The following WDR89 variants were observed in gnomAD, a reference collection of about 807,000 sequenced individuals.
The protein encoded by WDR89 is WD repeat-containing protein 89.
Under a neutral mutation model 29.1 loss-of-function variants are expected in WDR89, and 17 were observed. The ratio of observed to expected loss-of-function variants is 0.58; its 90% confidence interval spans 0.40 to 0.88. WDR89 has a LOEUF of 0.88. Among genes scored for constraint, WDR89 ranks in the 40% least tolerant of loss-of-function variants. The pLI is 0.00. For synonymous variants in WDR89, 138 were observed against 157.8 expected (o/e 0.87, Z 0.94); for missense variants, 396 against 456.3 (o/e 0.87, Z 1.20).
chr14:63,617,797 T>C (rs772395357), intron 2 of WDR89, among the ~76,000 whole-genome samples: 1 of 152,110 alleles, frequency 6.6e-6, no homozygotes, highest in African/African-American at 2.4e-5. Context: ...GAATTCTACA[T>C]AGCAATAAAA....
At chr14:63,637,174 C>G (rs1416014292) in intron 1 of WDR89, among the ~76,000 whole-genome samples, 1 of 152,162 alleles carries the variant, frequency 6.6e-6, no homozygotes, top group Non-Finnish European at 1.5e-5. Flanking sequence ...CTCAACATCA[C>G]TAATGATCAG....
At chr14:63,621,489 T>C (rs916645203) in intron 2 of WDR89, among the ~76,000 whole-genome samples, 2 of 151,944 alleles carry the variant, frequency 1.3e-5, no homozygotes, top group African/African-American at 2.4e-5. Context: ...TCCCAGCTAC[T>C]AGGGAGGCTA....
rs530997675 is a variant in WDR89, at chr14:63,633,241, G to GTA, written c.-137-8210_-137-8209dup. 2.0e-4 allele frequency among the ~76,000 whole-genome samples: 31 copies of GTA among 151,602 alleles called. No individual in the cohort carries two copies. The South Asian group carries it at 2.9e-3, about 14-fold the overall frequency. On this transcript the variant is annotated intron_variant, in intron 1 of 2. Transcript: ENST00000620954. ...CTTTTATGTATAAATATGTGTGTAAGTATATATATATATTTATGTATGTAT... is the reference window on the plus strand; with the variant it reads ...CTTTTATGTATAAATATGTGTGTAAGTATATATATATATATTTATGTATGTAT...
At chr14:63,639,967 C>G (rs949987302) in intron 1 of WDR89, among the ~76,000 whole-genome samples, 1 of 152,130 alleles carries the variant, frequency 6.6e-6, no homozygotes, top group Non-Finnish European at 1.5e-5. Context: ...GGAAAAACAC[C>G]CTGTATTTAC....
At chr14:63,606,425 C>T (rs561366623) in intron 2 of WDR89, among the ~76,000 whole-genome samples, 1 of 152,156 alleles carries the variant, frequency 6.6e-6, no homozygotes, top group African/African-American at 2.4e-5. Context: ...AAAAGTATCA[C>T]GCCAAGTGCT....
chr14:63,630,715 G>A (rs1883344911), intron 1 of WDR89: 1 of 151,732 alleles, frequency 6.6e-6, no homozygotes, highest in South Asian at 2.1e-4. Flanking sequence ...AAATCAGAAG[G>A]CCACAGAGAT....
chr14:63,635,186 T>C (rs1420456140), intron 1 of WDR89, among the ~76,000 whole-genome samples: 2 of 152,018 alleles, frequency 1.3e-5, no homozygotes, highest in Non-Finnish European at 2.9e-5. Context: ...AAAACAAAAC[T>C]ATAGACCAAT....
At chr14:63,613,754 C>A (rs1297058980) in intron 2 of WDR89, among the ~76,000 whole-genome samples, 2 of 151,652 alleles carry the variant, frequency 1.3e-5, no homozygotes, top group South Asian at 4.2e-4. Context: ...CCCACCTTGG[C>A]CTCCCAAAGT....
chr14:63,604,479 A>G (rs2139496705), intron 2 of WDR89, among the ~76,000 whole-genome samples: 1 of 122,228 alleles, frequency 8.2e-6, no homozygotes, highest in East Asian at 1.9e-4. Flanking sequence ...AAAGGTGTAG[A>G]AAAAAATATA....
chr14:63,637,386 C>T (rs1487562304), intron 1 of WDR89, among the ~76,000 whole-genome samples: 1 of 151,888 alleles, frequency 6.6e-6, no homozygotes, highest in Non-Finnish European at 1.5e-5. Flanking sequence ...GCAGAACTAA[C>T]ATTTGATCCA....
At chr14:63,616,492 G>T (rs1362600248) in intron 2 of WDR89, among the ~76,000 whole-genome samples, 2 of 152,126 alleles carry the variant, frequency 1.3e-5, no homozygotes, top group African/African-American at 4.8e-5. Flanking sequence ...AATGAGGCAG[G>T]AAAAGCCATT....
intron 2 of WDR89, among the ~76,000 whole-genome samples, chr14:63,623,779 A>T (rs1882864219): frequency 6.6e-6 from 1 of 150,996 alleles, no homozygotes; most frequent in African/African-American, 2.4e-5. Context: ...ATGACACCTT[A>T]TTTAAAAGAC....
At chr14:63,608,699 A>AG (rs1566791813) in intron 2 of WDR89, among the ~76,000 whole-genome samples, 7 of 133,754 alleles carry the variant, frequency 5.2e-5, no homozygotes, top group African/African-American at 2.2e-4. Flanking sequence ...CACACACACA[A>AG]ATAGGTTTAA....
In WDR89 at chr14:63,628,883, G is replaced by A. The variant is rs138303205; in HGVS notation, c.-137-3850C>T. Among the ~76,000 whole-genome samples the A allele has an allele frequency of 1.4e-3, 217 of 152,040 alleles. 4 individuals carry two copies. The East Asian group carries it at 0.04, about 28-fold the overall frequency. ...GGAGGCTAAGGTGGGAGGATTGCTT[G>A]AGTCTGGGGGCACCTATACTCCAGC... On this transcript the variant is annotated intron_variant, in intron 1 of 2. Transcript: ENST00000620954.
rs1297583384 is a variant in WDR89, at chr14:63,641,861, T to G, written c.-195A>C. The G allele has an allele frequency of 6.6e-6, 1 of 152,122 alleles. No individual in the cohort carries two copies. Among genetic ancestry groups the G allele is most frequent in the Admixed American group, 6.5e-5 (1 of 15,278 alleles). The allele number at this position is 152,122 out of a possible 1,614,324, so 9.4% of individuals were successfully genotyped here. On this transcript the variant is annotated 5_prime_UTR_variant, in exon 1 of 3. Coordinates refer to ENST00000620954, the MANE Select transcript of WDR89 (RefSeq NM_080666.4). ...CAGGCTGCGCGGCGGCTTAGAGCGGTCAAGTGGAACCCCGCCTCGACCTCT... is the reference window on the plus strand; with the variant it reads ...CAGGCTGCGCGGCGGCTTAGAGCGGGCAAGTGGAACCCCGCCTCGACCTCT...
intron 1 of WDR89, among the ~76,000 whole-genome samples, chr14:63,626,676 CAAAA>C (rs35582220): frequency 9.0e-4 from 31 of 34,554 alleles, no homozygotes; most frequent in African/African-American, 2.3e-3. Context: ...GAGACTGTCT[CAAAA>C]AAAAAAAAAA....
rs145001493 is a variant in WDR89 at position 63,607,812 on chromosome 14, C to T, written c.-31-7839G>A. Among the ~76,000 whole-genome samples, 66 of 146,392 alleles carry T rather than the reference C, an allele frequency of 4.5e-4. 1 individual carries two copies. In the East Asian group the frequency reaches 8.8e-3, roughly 19 times the overall value. On this transcript the variant is annotated intron_variant, in intron 2 of 2. Transcript: ENST00000620954. ...AGGAGAATCGCTTGAACCCAGGAGG[C>T]GGAGTTTGCAGTGAGCCAAGATGGC...
At chr14:63,639,443 G>GA (rs567624916) in intron 1 of WDR89, among the ~76,000 whole-genome samples, 67 of 132,742 alleles carry the variant, frequency 5.0e-4, no homozygotes, top group East Asian at 1.5e-3. Context: ...TTCACCAAAG[G>GA]AAAAAAAAAA....
intron 2 of WDR89, among the ~76,000 whole-genome samples, chr14:63,613,503 ATTT>A (rs879462925): frequency 3.6e-5 from 5 of 139,184 alleles, no homozygotes; most frequent in Non-Finnish European, 6.2e-5. Context: ...ATACTGCTGA[ATTT>A]TTTTTTTTTT....
Sources: gnomAD v4.1 joint callset for allele counts (sites outside exome capture counted in the v4.1 genomes callset) on GRCh38, gnomAD v4.1.1 for gene constraint, MANE v1.5 for transcripts, NCBI Gene and HGNC (gene_info 2026-07-23, HGNC 2026-07-21) for gene names.